CPEB1: variants seen among roughly 807,000 people sequenced by gnomAD.
CPEB1 encodes cytoplasmic polyadenylation element-binding protein 1.
Under a neutral mutation model 65.8 loss-of-function variants are expected in CPEB1, and 7 were observed. That is an observed-to-expected ratio of 0.11 (90% CI 0.06 to 0.20). The LOEUF (loss-of-function observed/expected upper bound fraction) is 0.20, where lower values mean the gene tolerates loss of function less well. Ranked by LOEUF, CPEB1 falls within the 10% of genes least tolerant of loss-of-function variation. The pLI is 1.00. For missense variants in CPEB1, 551 were observed against 712.2 expected (o/e 0.77, Z 2.58); for synonymous variants, 262 against 260.0 (o/e 1.01, Z -0.08).
chr15:82,631,605 C>G (rs1043777570), intron 1 of CPEB1, among the ~76,000 whole-genome samples: 1 of 152,018 alleles, frequency 6.6e-6, no homozygotes, highest in Non-Finnish European at 1.5e-5. Context: ...GTCTATCAGT[C>G]GTATCATTAT....
chr15:82,633,827 C>G (rs911759473), intron 1 of CPEB1, among the ~76,000 whole-genome samples: 1 of 152,176 alleles, frequency 6.6e-6, no homozygotes, highest in African/African-American at 2.4e-5. Flanking sequence ...TTTCCCTCCT[C>G]CACAAAGGAA....
intron 3 of CPEB1, among the ~76,000 whole-genome samples, chr15:82,590,108 C>A (rs894037789): frequency 1.3e-5 from 2 of 149,110 alleles, no homozygotes; most frequent in African/African-American, 2.5e-5. Context: ...ACAGTATCTG[C>A]ACTTTTCACA....
chr15:82,551,422 A>C (rs2036233590), intron 9 of CPEB1, among the ~76,000 whole-genome samples: 1 of 152,096 alleles, frequency 6.6e-6, no homozygotes, highest in Non-Finnish European at 1.5e-5. Flanking sequence ...TCCCCACCGA[A>C]AGTCCATGGT....
At chr15:82,620,759 T>C (rs1328859174) in intron 3 of CPEB1, among the ~76,000 whole-genome samples, 1 of 152,158 alleles carries the variant, frequency 6.6e-6, no homozygotes, top group East Asian at 1.9e-4. Flanking sequence ...GCTATGATCA[T>C]ACAACTGTGC....
At chr15:82,595,044 C>A (rs1248492881) in intron 3 of CPEB1, among the ~76,000 whole-genome samples, 1 of 152,130 alleles carries the variant, frequency 6.6e-6, no homozygotes, top group African/African-American at 2.4e-5. Context: ...GAATGTGGCA[C>A]AGAAACATGA....
upstream of CPEB1, chr15:82,647,450 G>A (rs1378183960): frequency 5.9e-6 from 1 of 168,748 alleles, no homozygotes; most frequent in East Asian, 1.6e-4. Flanking sequence ...CAGGGGGCGT[G>A]AGCTTCCAGC....
At chr15:82,643,432 C>T (rs587725084) in intron 1 of CPEB1, among the ~76,000 whole-genome samples, 1 of 152,192 alleles carries the variant, frequency 6.6e-6, no homozygotes, top group South Asian at 2.1e-4. Flanking sequence ...GAGTTCGAGA[C>T]CAGCCTGGCC....
intron 10 of CPEB1, 90 bp from the exon 11 acceptor site, chr15:82,547,327 C>T (rs373799548): frequency 1.2e-4 from 83 of 698,046 alleles, no homozygotes; most frequent in Non-Finnish European, 1.4e-4. Flanking sequence ...GATGGAGTCT[C>T]GCTCTTTCGC....
intron 3 of CPEB1, among the ~76,000 whole-genome samples, chr15:82,601,356 C>T (rs2151193946): frequency 6.6e-6 from 1 of 151,908 alleles, no homozygotes; most frequent in Non-Finnish European, 1.5e-5. Context: ...GCCAGGCCAA[C>T]ATGACTAAAC....
chr15:82,559,233 T>C (rs1183047273), intron 4 of CPEB1, among the ~76,000 whole-genome samples: 2 of 152,128 alleles, frequency 1.3e-5, no homozygotes, highest in African/African-American at 4.8e-5. Flanking sequence ...GAGACACACA[T>C]GCCATTGATG....
chr15:82,583,748 T>C (rs2041509654), intron 3 of CPEB1, among the ~76,000 whole-genome samples: 1 of 152,232 alleles, frequency 6.6e-6, no homozygotes, highest in Admixed American at 6.5e-5. Context: ...GGTTAACCTT[T>C]TTTGTATCAT....
chr15:82,563,656 C>G (rs933742259), intron 4 of CPEB1, among the ~76,000 whole-genome samples: 30 of 151,814 alleles, frequency 2.0e-4, no homozygotes, highest in Non-Finnish European at 8.8e-5. Flanking sequence ...TATCTCTCCT[C>G]TTAATGATTC....
intron 1 of CPEB1, among the ~76,000 whole-genome samples, chr15:82,639,024 T>C (rs1283095606): frequency 6.6e-6 from 1 of 152,176 alleles, no homozygotes; most frequent in Non-Finnish European, 1.5e-5. Flanking sequence ...ATCAACCACG[T>C]CTTAGAATTA....
At chr15:82,632,399 T>C (rs2046336982) in intron 1 of CPEB1, among the ~76,000 whole-genome samples, 1 of 152,200 alleles carries the variant, frequency 6.6e-6, no homozygotes, top group Admixed American at 6.5e-5. Flanking sequence ...CTGTCACCCA[T>C]CATGAATTCA....
upstream of CPEB1, chr15:82,647,910 C>A (rs587657369): frequency 1.8e-5 from 22 of 1,229,076 alleles, 1 homozygote; most frequent in South Asian, 7.6e-4. Flanking sequence ...GGCTGACCGG[C>A]CAGCCGGCGG....
intron 1 of CPEB1, among the ~76,000 whole-genome samples, chr15:82,637,068 C>T (rs752429936): frequency 6.6e-6 from 1 of 152,200 alleles, no homozygotes; most frequent in Non-Finnish European, 1.5e-5. Context: ...TCTCTGGCTG[C>T]CTTGATGCAG....
intron 1 of CPEB1, among the ~76,000 whole-genome samples, chr15:82,635,955 G>A (rs1036758984): frequency 3.9e-5 from 6 of 152,066 alleles, no homozygotes; most frequent in Non-Finnish European, 7.4e-5. Context: ...AGGCTCACCA[G>A]GAATAAACGA....
chr15:82,630,563 G>A (rs1043463570), intron 1 of CPEB1, among the ~76,000 whole-genome samples: 5 of 151,932 alleles, frequency 3.3e-5, no homozygotes, highest in African/African-American at 4.8e-5. Flanking sequence ...CAGAGATTGT[G>A]CCACCACACT....
intron 3 of CPEB1, among the ~76,000 whole-genome samples, chr15:82,583,850 A>C (rs1392676773): frequency 2.0e-5 from 3 of 152,206 alleles, no homozygotes; most frequent in Non-Finnish European, 4.4e-5. Context: ...ATAGTAAATA[A>C]ATGTCAAGGT....
Sources: gnomAD v4.1 joint callset for allele counts (sites outside exome capture counted in the v4.1 genomes callset) on GRCh38, gnomAD v4.1.1 for gene constraint, MANE v1.5 for transcripts, NCBI Gene and HGNC (gene_info 2026-07-23, HGNC 2026-07-21) for gene names.